Variants in SLC28A1 observed in about 807,000 individuals in gnomAD.
SLC28A1 encodes the protein sodium/nucleoside cotransporter 1.
SLC28A1 carries 64 observed loss-of-function variants against 74.8 expected under a neutral mutation model. The observed-to-expected ratio is 0.86, with a 90% CI of 0.70 to 1.05. The LOEUF is 1.05. SLC28A1 is among the 50% of genes least tolerant of loss of function. SLC28A1 has a pLI of 0.00. For synonymous variants in SLC28A1, 359 were observed against 335.0 expected (o/e 1.07, Z -0.78); for missense variants, 828 against 822.8 (o/e 1.01, Z -0.08).
At chr15:84,926,802 A>AGGGGGGGGGGG (rs544419272) in intron 12 of SLC28A1, among the ~76,000 whole-genome samples, 2 of 108,102 alleles carry the variant, frequency 1.9e-5, no homozygotes, top group African/African-American at 3.7e-5. Flanking sequence ...GGGTGGGGGG[A>AGGGGGGGGGGG]GGGGGGGGGT....
chr15:84,925,092 T>TTG, intron 12 of SLC28A1, among the ~76,000 whole-genome samples: 1 of 142,714 alleles, frequency 7.0e-6, no homozygotes, highest in African/African-American at 2.6e-5. Context: ...TTTTTTTTTT[T>TTG]GTATTTTTAG....
At chr15:84,958,148 CT>C in the SLC28A1 span, among the ~76,000 whole-genome samples, 1 of 152,136 alleles carries the variant, frequency 6.6e-6, no homozygotes, top group Non-Finnish European at 1.5e-5. Context: ...GTATATTGGT[CT>C]TATATCCAGA....
At chr15:84,943,388 G>C in intron 15 of SLC28A1, 57 bp from the exon 16 acceptor site, 1 of 1,260,120 alleles carries the variant, frequency 7.9e-7, no homozygotes, top group Non-Finnish European at 1.2e-6. Flanking sequence ...GGTGTTATAG[G>C]GGTGCCCCAG....
intron 8 of SLC28A1, 123 bp from the exon 9 acceptor site, chr15:84,908,595 C>A (rs1489046781): frequency 2.6e-6 from 2 of 777,876 alleles, no homozygotes; most frequent in Admixed American, 4.0e-5. Context: ...GTGCCCCCCC[C>A]CGGATAAGGG....
downstream of SLC28A1, among the ~76,000 whole-genome samples, chr15:84,946,651 T>C (rs2079241836): frequency 6.6e-6 from 1 of 152,120 alleles, no homozygotes. Flanking sequence ...TAACACAAAC[T>C]GCGATGTGGG....
intron 3 of SLC28A1, among the ~76,000 whole-genome samples, chr15:84,888,253 C>T (rs989591250): frequency 5.3e-5 from 8 of 152,068 alleles, no homozygotes; most frequent in African/African-American, 1.4e-4. Flanking sequence ...TTCAAGTGGC[C>T]AGGTCAGGTC....
In SLC28A1 at chr15:84,888,897, G is replaced by T. The variant is rs17215927; in HGVS notation, c.185+37G>T. 1.2e-3 allele frequency: 1,747 copies of T among 1,449,176 alleles called. 29 individuals are homozygous for T. In the African/African-American group the frequency reaches 0.022, roughly 18 times the overall value. The allele number at this position is 1,449,176 out of a possible 1,614,324, so 89.8% of individuals were successfully genotyped here. On this transcript the variant is annotated intron_variant, in intron 4 of 18. Coordinates refer to ENST00000394573, the MANE Select transcript of SLC28A1 (RefSeq NM_004213.5). ...CTGGAGAGACAAGGGCGGGCCTGGG[G>T]TGGAGGCTGCTTGGGAACAGGATGG... is the stretch of plus-strand genomic sequence containing the variant.
At chr15:84,896,026 A>C in intron 6 of SLC28A1, 1 of 812,718 alleles carries the variant, frequency 1.2e-6, no homozygotes, top group Non-Finnish European at 1.5e-6. Flanking sequence ...TATTAAATAC[A>C]TTTGTGATTT....
rs112519384 is a variant in SLC28A1, at chr15:84,944,775, G to T, written c.1782G>T (p.Arg594Ser). 1 of 1,613,994 alleles carries T rather than the reference G, an allele frequency of 6.2e-7. No individual in the cohort carries two copies. Among genetic ancestry groups the T allele is most frequent in the East Asian group, 2.2e-5 (1 of 44,872 alleles). The change falls in exon 18 of 19, where the codon AGG (arginine) becomes AGT (serine). Residue 594 changes from arginine to serine, a missense_variant. Transcript: ENST00000394573. ...CTACAGGGATCCTCTACATGCCCAG[G>T]GGGGCTGAAGTTGACTGCATGTCCC... ...ACMAGILYMP[R>S]GAEVDCMSLL...
Position 84,945,562 on chromosome 15 carries a change from G to A in SLC28A1, c.*362G>A, listed in dbSNP as rs1177262718. On this transcript the variant is annotated 3_prime_UTR_variant, in exon 19 of 19. Coordinates refer to ENST00000394573, the MANE Select transcript of SLC28A1 (RefSeq NM_004213.5). ...TGCCCCTTCCCTTCTGTTGTGGGCT[G>A]CACACCAAAGCCTCCTCCCCTCCCC... is the stretch of plus-strand genomic sequence containing the variant. 2 of 334,436 alleles carry A rather than the reference G, an allele frequency of 6.0e-6. No individual in the cohort carries two copies. Among genetic ancestry groups the A allele is most frequent in the East Asian group, 1.5e-4 (2 of 13,150 alleles). The allele number at this position is 334,436 out of a possible 1,614,324, so 20.7% of individuals were successfully genotyped here.
chr15:84,934,505 T>C (rs971128351), intron 13 of SLC28A1, among the ~76,000 whole-genome samples: 1 of 152,220 alleles, frequency 6.6e-6, no homozygotes, highest in Non-Finnish European at 1.5e-5. Flanking sequence ...ATTGGACACA[T>C]GTGCTTGGGC....
At chr15:84,898,305 G>A (rs1020793075) in intron 6 of SLC28A1, among the ~76,000 whole-genome samples, 1 of 152,148 alleles carries the variant, frequency 6.6e-6, no homozygotes, top group Non-Finnish European at 1.5e-5. Flanking sequence ...TTGGTCGGGT[G>A]CGGTGGCTCA....
At chr15:84,961,436 A>T in the SLC28A1 span, 1 of 443,862 alleles carries the variant, frequency 2.3e-6, no homozygotes, top group Non-Finnish European at 4.5e-6. Flanking sequence ...GGCTCAAGGG[A>T]TCTTCCTACC....
chr15:84,908,750 C>T lies in SLC28A1; in HGVS notation c.750C>T (p.Ser250=), dbSNP rs935243378. The T allele has an allele frequency of 2.5e-6, 4 of 1,613,940 alleles. No homozygotes were observed. Among genetic ancestry groups the T allele is most frequent in the Non-Finnish European group, 3.4e-6 (4 of 1,180,026 alleles). Residue 250 remains serine (S), a synonymous_variant, in exon 9 of 19, where the codon AGC becomes AGT. Transcript: ENST00000394573. ...TGAGCTACACGAAGGCTGGCTCCAG[C>T]TTCGTGTTTGGGGAGGCGCTGGTCA... ...IFLSYTKAGS[S]FVFGEALVKD...
intron 13 of SLC28A1, among the ~76,000 whole-genome samples, chr15:84,933,849 C>T (rs1971583453): frequency 6.6e-6 from 1 of 152,200 alleles, no homozygotes; most frequent in East Asian, 1.9e-4. Context: ...AAGGCTCACG[C>T]CTGTAATTCC....
intron 13 of SLC28A1, among the ~76,000 whole-genome samples, chr15:84,933,756 C>T (rs1971573815): frequency 6.6e-6 from 1 of 152,186 alleles, no homozygotes; most frequent in Non-Finnish European, 1.5e-5. Flanking sequence ...AGGCAAATCA[C>T]TTAAGGTCAG....
chr15:84,915,381 C>T lies in SLC28A1; in HGVS notation c.796-3143C>T, dbSNP rs141105300. ...GCAGAATCTCCATTCTCTTCAGGGT[C>T]CATTCTGTAATCCCAGTTCACTTTG... On this transcript the variant is annotated intron_variant, in intron 9 of 18. Coordinates refer to ENST00000394573, the MANE Select transcript of SLC28A1 (RefSeq NM_004213.5). Among the ~76,000 whole-genome samples the T allele has an allele frequency of 8.5e-5, 13 of 152,306 alleles. No individual in the cohort carries two copies. The East Asian group carries it at 2.5e-3, about 29-fold the overall frequency.
chr15:84,945,144 C>A lies in SLC28A1; in HGVS notation c.1894C>A (p.Pro632Thr). 1.2e-6 allele frequency: 2 copies of A among 1,614,046 alleles called. No homozygotes were observed. Among genetic ancestry groups the A allele is most frequent in the African/African-American group, 1.3e-5 (1 of 74,996 alleles). Residue 632 changes from proline (P) to threonine (T), a missense_variant, in exon 19 of 19, where the codon CCA becomes ACA. Physicochemically the swap from Pro to Thr is conservative, Grantham distance 38 (BLOSUM62 -1). Transcript: ENST00000394573. ...TTTTAGCGTCAATCCAGAGTTCAGCCCAGAGGCCCTGGACAACTGCTGTCG... is the reference window on the plus strand; with the variant it reads ...TTTTAGCGTCAATCCAGAGTTCAGCACAGAGGCCCTGGACAACTGCTGTCG... The part of the protein sequence containing the change: ...AFQSVNPEFS[P>T]EALDNCCRFY...
intron 15 of SLC28A1, chr15:84,939,673 ATCT>A (rs953190454): frequency 4.6e-5 from 7 of 152,026 alleles, no homozygotes; most frequent in African/African-American, 1.7e-4. Flanking sequence ...GGCCATGCTA[ATCT>A]TCTTTGTATC....
Sources: allele counts gnomAD v4.1 joint callset (sites outside exome capture counted in the v4.1 genomes callset), GRCh38; gene constraint gnomAD v4.1.1; transcripts MANE v1.5; gene names NCBI Gene and HGNC (gene_info 2026-07-23, HGNC 2026-07-21).